Variants in CELF2 observed in about 807,000 individuals in gnomAD.
CELF2 encodes the protein CUG triplet repeat RNA-binding protein 2.
In CELF2, 8 loss-of-function variants were observed where a neutral mutation model predicts 62.6. The observed-to-expected ratio is 0.13, with a 90% CI of 0.07 to 0.23. The LOEUF (loss-of-function observed/expected upper bound fraction) is 0.23, where lower values mean the gene tolerates loss of function less well. Ranked by LOEUF, CELF2 falls within the 10% of genes least tolerant of loss-of-function variation. The probability of loss-of-function intolerance (pLI) is 1.00; values close to 1 mark genes in which losing one functional copy is unlikely to be tolerated. For synonymous variants in CELF2, 258 were observed against 250.0 expected (o/e 1.03, Z -0.30); for missense variants, 333 against 671.0 (o/e 0.50, Z 5.56).
rs377307472 is a variant in CELF2 at position 10,972,900 on chromosome 10, G to A, written c.89+52901G>A. On this transcript the variant is annotated intron_variant, in intron 2 of 13. Transcript: ENST00000636488. The surrounding 1 kb of genome is among the most constrained non-coding windows in gnomAD (Gnocchi z 4.4). ...CTACATCATCAGCACTACAACGAAGGCACAACAGGATGATCACATGATAGA... is the reference window on the plus strand; with the variant it reads ...CTACATCATCAGCACTACAACGAAGACACAACAGGATGATCACATGATAGA... Among the ~76,000 whole-genome samples, 14 of 152,250 alleles carry A rather than the reference G, an allele frequency of 9.2e-5. No individual in the cohort carries two copies. The highest frequency in any genetic ancestry group is 3.4e-4 in the African/African-American group (14 of 41,532).
chr10:10,816,190 G>C (rs1427142245), intron 1 of CELF2, among the ~76,000 whole-genome samples: 1 of 152,154 alleles, frequency 6.6e-6, no homozygotes, highest in African/African-American at 2.4e-5. Context: ...AGACAGTTCA[G>C]ACAAGAGACA....
At chr10:10,730,458 C>T in the CELF2 span, among the ~76,000 whole-genome samples, 1 of 152,062 alleles carries the variant, frequency 6.6e-6, no homozygotes, top group East Asian at 1.9e-4. Flanking sequence ...TCCTGGGCGA[C>T]AGAGCAAGAG....
At chr10:11,298,264 A>G (rs2093387233) in intron 9 of CELF2, among the ~76,000 whole-genome samples, 1 of 152,090 alleles carries the variant, frequency 6.6e-6, no homozygotes, top group Non-Finnish European at 1.5e-5. Context: ...CCCTGGGAGG[A>G]GCCCCCACAG....
intron 1 of CELF2, among the ~76,000 whole-genome samples, chr10:11,074,296 G>A (rs111405722): frequency 3.2e-4 from 48 of 152,160 alleles, no homozygotes; most frequent in African/African-American, 1.1e-3. Context: ...AAATATATTC[G>A]TAAAGATTGG....
chr10:11,238,082 T>G (rs1252108055), intron 3 of CELF2, among the ~76,000 whole-genome samples: 1 of 152,218 alleles, frequency 6.6e-6, no homozygotes, highest in Non-Finnish European at 1.5e-5. Flanking sequence ...GGGTAAGATC[T>G]GGAGAACATC....
At chr10:10,596,995 C>T in the CELF2 span, among the ~76,000 whole-genome samples, 12 of 152,320 alleles carry the variant, frequency 7.9e-5, no homozygotes, top group South Asian at 2.1e-3. Flanking sequence ...CTTCTCTCAT[C>T]TGCCAACTAC....
the CELF2 span, among the ~76,000 whole-genome samples, chr10:10,573,307 T>G: frequency 3.9e-5 from 6 of 152,344 alleles, no homozygotes; most frequent in East Asian, 1.2e-3. Flanking sequence ...GCTGGTTGCC[T>G]GTTCACTCTG....
At chr10:10,729,526 C>T in the CELF2 span, among the ~76,000 whole-genome samples, 2 of 152,072 alleles carry the variant, frequency 1.3e-5, no homozygotes, top group Non-Finnish European at 2.9e-5. Context: ...AACATCATGG[C>T]ATTATATGAG....
At chr10:10,511,277 G>T in the CELF2 span, among the ~76,000 whole-genome samples, 2 of 152,076 alleles carry the variant, frequency 1.3e-5, no homozygotes, top group Admixed American at 6.6e-5. Context: ...TGGGCATGGT[G>T]GTGGTCACCT....
At chr10:10,630,332 CT>C in the CELF2 span, among the ~76,000 whole-genome samples, 1 of 152,154 alleles carries the variant, frequency 6.6e-6, no homozygotes, top group African/African-American at 2.4e-5. Context: ...TCTTTACTGA[CT>C]TTTTCTTTTC....
At position 11,159,985 on chromosome 10, in the gene CELF2, C is replaced by T. The variant is rs530950698; in HGVS notation, c.75-5501C>T. ...CCCAATTAACCGGCCACTCAGCGGC[C>T]TGTCGGAGCCTCCAGGCTACTCTCC... is the stretch of plus-strand genomic sequence containing the variant. On this transcript the variant is annotated intron_variant, in intron 1 of 12. Transcript: ENST00000633077. This position sits in a 1 kb window ranked among gnomAD's most constrained non-coding sequence, Gnocchi z 5.0. 3.4e-3 allele frequency among the ~76,000 whole-genome samples: 520 copies of T among 152,300 alleles called. 3 individuals are homozygous for T. The highest frequency in any genetic ancestry group is 0.012 in the African/African-American group (496 of 41,562).
chr10:10,895,810 C>A (rs1447942724), intron 1 of CELF2, among the ~76,000 whole-genome samples: 1 of 152,104 alleles, frequency 6.6e-6, no homozygotes, highest in Non-Finnish European at 1.5e-5. Context: ...CACTGGAAGA[C>A]AGACAATGAA....
chr10:11,022,934 AT>A (rs2058573435), intron 1 of CELF2, among the ~76,000 whole-genome samples: 1 of 152,226 alleles, frequency 6.6e-6, no homozygotes, highest in East Asian at 1.9e-4. Flanking sequence ...TCTAATTTGC[AT>A]TTAAATGGAA....
In CELF2 at chr10:11,075,601, A is replaced by T. The variant is rs1295683060; in HGVS notation, c.74+57438A>T. Among the ~76,000 whole-genome samples, 2 of 152,194 alleles carry T rather than the reference A, an allele frequency of 1.3e-5. No individual in the cohort carries two copies. Among genetic ancestry groups the T allele is most frequent in the African/African-American group, 4.8e-5 (2 of 41,450 alleles). On this transcript the variant is annotated intron_variant, in intron 1 of 12. Transcript: ENST00000633077. The surrounding 1 kb of genome is among the most constrained non-coding windows in gnomAD (Gnocchi z 5.4). ...GTGGATTATTGCTGTGAACATACGT[A>T]TGGACTTAAATGTCCAGGGTCTACA...
At chr10:10,857,174 T>C (rs952388539) in intron 1 of CELF2, among the ~76,000 whole-genome samples, 1 of 152,136 alleles carries the variant, frequency 6.6e-6, no homozygotes, top group Admixed American at 6.6e-5. Context: ...ATTTATGACA[T>C]TGCCTTGGTC....
intron 2 of CELF2, among the ~76,000 whole-genome samples, chr10:11,198,855 T>C (rs1373076606): frequency 6.6e-6 from 1 of 152,264 alleles, no homozygotes. Flanking sequence ...CTGTTAGTGA[T>C]GTTTTGAGGA....
At chr10:11,084,854 A>G (rs745979187) in intron 1 of CELF2, among the ~76,000 whole-genome samples, 7 of 152,204 alleles carry the variant, frequency 4.6e-5, no homozygotes, top group Admixed American at 6.5e-5. Context: ...ATTATCGTCA[A>G]ACTGCTAAGG....
chr10:11,005,386 G>A lies in CELF2; in HGVS notation c.-2G>A, dbSNP rs1564349608. On this transcript the variant is annotated 5_prime_UTR_variant, in exon 1 of 13. Coordinates refer to the CELF2 transcript ENST00000416382. This position sits in a 1 kb window ranked among gnomAD's most constrained non-coding sequence, Gnocchi z 4.3. ...TTTTGTTGAGACTATCAGTATAGAAGCATGCGCTGTCCCAAATCCGCTGTT... is the reference window on the plus strand; with the variant it reads ...TTTTGTTGAGACTATCAGTATAGAAACATGCGCTGTCCCAAATCCGCTGTT... 1 of 1,613,746 alleles carries A rather than the reference G, an allele frequency of 6.2e-7. No individual in the cohort carries two copies. The highest frequency in any genetic ancestry group is 8.5e-7 in the Non-Finnish European group (1 of 1,179,812).
At chr10:11,181,032 G>A (rs1412601756) in intron 2 of CELF2, among the ~76,000 whole-genome samples, 1 of 152,144 alleles carries the variant, frequency 6.6e-6, no homozygotes, top group African/African-American at 2.4e-5. Flanking sequence ...AGTATGCCCT[G>A]CTAATTTTTG....
Sources: gnomAD v4.1 joint callset for allele counts (sites outside exome capture counted in the v4.1 genomes callset) on GRCh38, gnomAD v4.1.1 for gene constraint, Gnocchi (gnomAD v3.1) non-coding constraint, MANE v1.5 for transcripts, NCBI Gene and HGNC (gene_info 2026-07-23, HGNC 2026-07-21) for gene names.